The following KAZN variants were observed in gnomAD, a reference collection of about 807,000 sequenced individuals.
KAZN encodes kazrin.
A neutral mutation model predicts 87.4 loss-of-function variants in KAZN; 40 were observed. That is an observed-to-expected ratio of 0.46 (90% CI 0.36 to 0.60). KAZN has a LOEUF of 0.60. Among genes scored for constraint, KAZN ranks in the 20% least tolerant of loss-of-function variants. KAZN has a pLI of 0.00. For missense variants in KAZN, 898 were observed against 1,073.9 expected (o/e 0.84, Z 2.29); for synonymous variants, 466 against 458.3 (o/e 1.02, Z -0.22).
chr1:14,363,777 T>C (rs1659718687), intron 2 of KAZN, among the ~76,000 whole-genome samples: 1 of 152,182 alleles, frequency 6.6e-6, no homozygotes, highest in Non-Finnish European at 1.5e-5. Context: ...AAATACTTCC[T>C]GGTCCTTTAC....
chr1:15,037,333 T>TC (rs965553982), intron 3 of KAZN, among the ~76,000 whole-genome samples: 2 of 152,136 alleles, frequency 1.3e-5, no homozygotes, highest in Non-Finnish European at 2.9e-5. Flanking sequence ...CTTCTACTTG[T>TC]CCCCTGAGCC....
At chr1:14,021,139 C>T (rs148727565) in intron 1 of KAZN, among the ~76,000 whole-genome samples, 362 of 152,284 alleles carry the variant, frequency 2.4e-3, no homozygotes, top group Non-Finnish European at 4.2e-3. Flanking sequence ...TTGTTCCGTG[C>T]ATTGTAGGAA....
intron 2 of KAZN, among the ~76,000 whole-genome samples, chr1:14,478,209 G>A (rs1190301046): frequency 6.8e-6 from 1 of 146,786 alleles, no homozygotes; most frequent in Non-Finnish European, 1.5e-5. Flanking sequence ...TGGATGGGTG[G>A]ATAGATGGAT....
At position 14,161,704 on chromosome 1, in the gene KAZN, AT is replaced by A. The variant is rs539567792; in HGVS notation, c.92-18727del. ...CAGGAGGTGAGAATCATTGGGTTCT[AT>A]TTTGGAATCTAGCTATAATTGTCCA... On this transcript the variant is annotated intron_variant, in intron 1 of 16. Transcript: ENST00000636203. Among the ~76,000 whole-genome samples, 84 of 152,288 alleles carry A rather than the reference AT, an allele frequency of 5.5e-4. 1 individual carries two copies. Among genetic ancestry groups the A allele is most frequent in the Middle Eastern group, 3.4e-3 (1 of 294 alleles).
At position 14,384,223 on chromosome 1, in the gene KAZN, A is replaced by G. The variant is rs1463169432; in HGVS notation, c.249+203631A>G. The stretch of plus-strand genomic sequence containing the variant: ...GCTTAAGGAGATTTTGGGCTGAGAC[A>G]ATGGGGTTTTCTAGATATACAATCA... On this transcript the variant is annotated intron_variant, in intron 2 of 16. Coordinates refer to the KAZN transcript ENST00000636203. Among the ~76,000 whole-genome samples, 73 of 151,224 alleles carry G rather than the reference A, an allele frequency of 4.8e-4. 1 individual carries two copies. The highest frequency in any genetic ancestry group is 3.4e-3 in the Middle Eastern group (1 of 294).
At chr1:14,413,613 A>C (rs888416507) in intron 2 of KAZN, among the ~76,000 whole-genome samples, 12 of 151,004 alleles carry the variant, frequency 7.9e-5, no homozygotes, top group Admixed American at 2.0e-4. Flanking sequence ...AAAAAAAAAA[A>C]AAAAAACGCA....
chr1:15,026,831 A>G (rs961688110), intron 2 of KAZN, among the ~76,000 whole-genome samples: 1 of 152,156 alleles, frequency 6.6e-6, no homozygotes, highest in East Asian at 1.9e-4. Context: ...TAGCATCTAC[A>G]TTGTATAAAG....
rs1676705895 is a variant in KAZN, at chr1:14,598,877, C to T, written c.-121C>T. 6.2e-6 allele frequency: 9 copies of T among 1,456,460 alleles called. No individual in the cohort carries two copies. The highest frequency in any genetic ancestry group is 2.1e-4 in the Middle Eastern group (1 of 4,796). The allele number at this position is 1,456,460 out of a possible 1,614,324, so 90.2% of individuals were successfully genotyped here. On this transcript the variant is annotated 5_prime_UTR_variant, in exon 1 of 15. Coordinates refer to ENST00000376030, the MANE Select transcript of KAZN (RefSeq NM_201628.3). This position sits in a 1 kb window ranked among gnomAD's most constrained non-coding sequence, Gnocchi z 4.2. ...CGCTGCCGGTGCCTGGGGGTCGGGG[C>T]GCGGGCGAAGCCGGGCCGCGGAGGA...
At position 14,599,373 on chromosome 1, in the gene KAZN, T is replaced by G; in HGVS notation, c.226+150T>G. The stretch of plus-strand genomic sequence containing the variant: ...CTTTCCGCCCGGCGGTGGCCACCGC[T>G]GCTCTCCGGCTGGGAGTTGCAGGCT... On this transcript the variant is annotated intron_variant, in intron 1 of 14. Coordinates refer to ENST00000376030, the MANE Select transcript of KAZN (RefSeq NM_201628.3). The surrounding 1 kb of genome is among the most constrained non-coding windows in gnomAD (Gnocchi z 4.4). 1.2e-6 allele frequency: 1 copy of G among 838,252 alleles called. No individual in the cohort carries two copies. 51.9% of individuals were successfully genotyped at this position (838,252 alleles called of 1,614,324 possible). A position where few individuals can be genotyped will look rare whatever the true frequency, so the allele number is the denominator to read the frequency against.
chr1:14,713,797 A>AAAAAG (rs1553215138), intron 1 of KAZN, among the ~76,000 whole-genome samples: 7 of 95,680 alleles, frequency 7.3e-5, no homozygotes, highest in Admixed American at 1.3e-4. Flanking sequence ...AAAAAAAAAA[A>AAAAAG]AAAGAAAGAA....
chr1:14,187,605 T>G (rs1188895339), intron 2 of KAZN, among the ~76,000 whole-genome samples: 1 of 152,138 alleles, frequency 6.6e-6, no homozygotes, highest in Non-Finnish European at 1.5e-5. Flanking sequence ...CCAGGTGACA[T>G]CTGGCAATGT....
chr1:14,341,887 T>C (rs1386456957), intron 2 of KAZN, among the ~76,000 whole-genome samples: 3 of 152,172 alleles, frequency 2.0e-5, no homozygotes, highest in African/African-American at 4.8e-5. Flanking sequence ...ATAGGTAAAT[T>C]TGTGACATGG....
At chr1:14,091,109 C>CA (rs779056126) in intron 1 of KAZN, among the ~76,000 whole-genome samples, 3,197 of 50,904 alleles carry the variant, frequency 0.063, 125 homozygotes, top group Non-Finnish European at 0.093. Flanking sequence ...GAGACTCTGT[C>CA]AAAAAAAAAA....
At chr1:14,311,718 GTGGATGGA>G (rs535549756) in intron 2 of KAZN, among the ~76,000 whole-genome samples, 84 of 152,146 alleles carry the variant, frequency 5.5e-4, no homozygotes, top group African/African-American at 1.8e-3. Flanking sequence ...ATGGATGGGG[GTGGATGGA>G]TGGATGGATG....
In KAZN at chr1:14,856,075, G is replaced by C. The variant is rs1242425536; in HGVS notation, c.227-104609G>C. Among the ~76,000 whole-genome samples, 1 of 152,186 alleles carries C rather than the reference G, an allele frequency of 6.6e-6. No homozygotes were observed. The highest frequency in any genetic ancestry group is 1.5e-5 in the Non-Finnish European group (1 of 68,036). ...GGATATGGCAGGTGAGTAATAACGT[G>C]ATTTACATCCTTGGGGGTTTGGGTT... On this transcript the variant is annotated intron_variant, in intron 1 of 14. Coordinates refer to ENST00000376030, the MANE Select transcript of KAZN (RefSeq NM_201628.3). This position sits in a 1 kb window ranked among gnomAD's most constrained non-coding sequence, Gnocchi z 5.2.
intron 1 of KAZN, among the ~76,000 whole-genome samples, chr1:14,801,786 C>T (rs1004672594): frequency 6.6e-6 from 1 of 151,546 alleles, no homozygotes; most frequent in Non-Finnish European, 1.5e-5. Flanking sequence ...CGGGTTCATG[C>T]CATTCTCCTT....
intron 2 of KAZN, among the ~76,000 whole-genome samples, chr1:15,027,874 C>T (rs755295561): frequency 6.6e-6 from 1 of 152,166 alleles, no homozygotes; most frequent in Admixed American, 6.5e-5. Context: ...CCGTCCTGTC[C>T]CACATCTGGG....
chr1:14,739,704 T>C (rs1413787173), intron 1 of KAZN, among the ~76,000 whole-genome samples: 1 of 151,788 alleles, frequency 6.6e-6, no homozygotes, highest in East Asian at 1.9e-4. Flanking sequence ...ACTGGAGAAC[T>C]AACTGTGGTA....
chr1:14,039,815 C>T (rs1641721865), intron 1 of KAZN, among the ~76,000 whole-genome samples: 1 of 152,178 alleles, frequency 6.6e-6, no homozygotes, highest in Non-Finnish European at 1.5e-5. Context: ...GGGAAAGGAG[C>T]ACAGATAACT....
Sources: allele counts gnomAD v4.1 joint callset (sites outside exome capture counted in the v4.1 genomes callset), GRCh38; gene constraint gnomAD v4.1.1; non-coding constraint Gnocchi (gnomAD v3.1); transcripts MANE v1.5; gene names NCBI Gene and HGNC (gene_info 2026-07-23, HGNC 2026-07-21).